LPP: variants seen among roughly 807,000 people sequenced by gnomAD.
LPP encodes LIM domain containing preferred translocation partner in lipoma.
LPP carries 38 observed loss-of-function variants against 60.4 expected under a neutral mutation model. The observed-to-expected ratio is 0.63, with a 90% CI of 0.49 to 0.83. The LOEUF is 0.83. LPP is among the 40% of genes least tolerant of loss of function. LPP has a pLI of 0.00. For missense variants in LPP, 902 were observed against 783.6 expected, an observed-to-expected ratio of 1.15 and a Z score of -1.80; for synonymous variants, 328 against 290.8, an observed-to-expected ratio of 1.13 and a Z score of -1.30.
intron 9 of LPP, among the ~76,000 whole-genome samples, chr3:188,782,094 G>A (rs1739985151): frequency 6.6e-6 from 1 of 152,144 alleles, no homozygotes; most frequent in Non-Finnish European, 1.5e-5. Context: ...AAAGCCCACA[G>A]TATATCCTGT....
chr3:188,322,278 C>T (rs1757168323), intron 2 of LPP, among the ~76,000 whole-genome samples: 1 of 152,128 alleles, frequency 6.6e-6, no homozygotes, highest in Admixed American at 6.5e-5. Flanking sequence ...TGAACCAGAG[C>T]CTCTGTGAAC....
At chr3:188,328,335 G>A (rs141217132) in intron 2 of LPP, among the ~76,000 whole-genome samples, 167 of 152,214 alleles carry the variant, frequency 1.1e-3, no homozygotes, top group African/African-American at 3.9e-3. Context: ...CACTTATTCA[G>A]TTCTTGCAAA....
At chr3:188,788,708 A>G (rs1288370576) in intron 9 of LPP, among the ~76,000 whole-genome samples, 2 of 152,178 alleles carry the variant, frequency 1.3e-5, no homozygotes, top group African/African-American at 2.4e-5. Context: ...AACCCTTTGT[A>G]TAAGCATCAA....
intron 7 of LPP, among the ~76,000 whole-genome samples, chr3:188,659,241 G>A (rs892017879): frequency 2.6e-5 from 4 of 152,164 alleles, no homozygotes; most frequent in African/African-American, 7.2e-5. Context: ...GTTGAATACA[G>A]GTGAATAGAA....
intron 1 of LPP, among the ~76,000 whole-genome samples, chr3:188,205,648 G>A (rs1050693681): frequency 6.6e-6 from 1 of 152,102 alleles, no homozygotes; most frequent in Admixed American, 6.6e-5. Context: ...CCCCATCTAC[G>A]CCATGTGTTG....
intron 3 of LPP, among the ~76,000 whole-genome samples, chr3:188,399,307 G>A (rs896055859): frequency 6.6e-6 from 1 of 151,994 alleles, no homozygotes; most frequent in Non-Finnish European, 1.5e-5. Context: ...TGGATGATTA[G>A]GAAAGCAGTT....
intron 3 of LPP, among the ~76,000 whole-genome samples, chr3:188,358,027 GAATCTGA>G (rs144695811): frequency 0.015 from 2,246 of 152,262 alleles, 50 homozygotes; most frequent in African/African-American, 0.05. Context: ...AAAATGACGT[GAATCTGA>G]AAAATTCTGA....
intron 1 of LPP, chr3:188,180,173 T>G: frequency 6.5e-6 from 1 of 154,184 alleles, no homozygotes; most frequent in Non-Finnish European, 1.5e-5. Flanking sequence ...ATTTAAGGTG[T>G]CTGGGAAGGC....
Position 188,803,575 on chromosome 3 carries a change from T to A in LPP, c.1410+43293T>A, listed in dbSNP as rs115624978. ...GCACCATTTGTTGTAATTTAATTAA[T>A]CTTATGCAGATTGTAAATCAGATGC... On this transcript the variant is annotated intron_variant, in intron 9 of 11. Coordinates refer to ENST00000617246, the MANE Select transcript of LPP (RefSeq NM_001375462.1). 8.6e-3 allele frequency among the ~76,000 whole-genome samples: 1,316 copies of A among 152,334 alleles called. 18 individuals carry two copies. Among genetic ancestry groups the A allele is most frequent in the African/African-American group, 0.03 (1,254 of 41,578 alleles).
At chr3:188,717,583 T>G (rs1027271245) in intron 8 of LPP, among the ~76,000 whole-genome samples, 11 of 151,860 alleles carry the variant, frequency 7.2e-5, no homozygotes, top group African/African-American at 2.7e-4. Flanking sequence ...GAAAAATGGG[T>G]TTTTTGGTTT....
intron 7 of LPP, among the ~76,000 whole-genome samples, chr3:188,677,478 C>T (rs1237653505): frequency 6.6e-6 from 1 of 152,126 alleles, no homozygotes. Context: ...TCTTACTCTA[C>T]TGTATATGGA....
intron 8 of LPP, among the ~76,000 whole-genome samples, chr3:188,747,725 CAT>C (rs1490048073): frequency 1.3e-5 from 2 of 152,204 alleles, no homozygotes; most frequent in African/African-American, 4.8e-5. Flanking sequence ...TGTGTGCACA[CAT>C]ATGTGTATTA....
intron 3 of LPP, among the ~76,000 whole-genome samples, chr3:188,378,182 A>T (rs1022582423): frequency 6.6e-6 from 1 of 152,162 alleles, no homozygotes; most frequent in African/African-American, 2.4e-5. Flanking sequence ...CAGTCTGCCC[A>T]TTCTCAGATC....
intron 7 of LPP, among the ~76,000 whole-genome samples, chr3:188,685,835 C>T (rs1860589457): frequency 6.6e-6 from 1 of 152,036 alleles, no homozygotes; most frequent in African/African-American, 2.4e-5. Context: ...ACAAGCTTCT[C>T]TACTACTTTT....
intron 6 of LPP, among the ~76,000 whole-genome samples, chr3:188,595,229 A>G (rs997534185): frequency 6.8e-5 from 10 of 147,026 alleles, no homozygotes; most frequent in African/African-American, 2.4e-4. Context: ...GAACCCAGGA[A>G]TTTCAGTACT....
At position 188,241,469 on chromosome 3, in the gene LPP, G is replaced by A. The variant is rs186793994; in HGVS notation, c.-67+15942G>A. Among the ~76,000 whole-genome samples, 6 of 152,212 alleles carry A rather than the reference G, an allele frequency of 3.9e-5. No homozygotes were observed. The South Asian group carries it at 1.2e-3, about 32-fold the overall frequency. ...TCTCCTTTCATCTTTCCCTTTGGGGGAGAAAAAGTCATCAGAGTTGTTTGA... is the reference window on the plus strand; with the variant it reads ...TCTCCTTTCATCTTTCCCTTTGGGGAAGAAAAAGTCATCAGAGTTGTTTGA... On this transcript the variant is annotated intron_variant, in intron 2 of 11. Transcript: ENST00000617246.
intron 9 of LPP, among the ~76,000 whole-genome samples, chr3:188,818,304 A>C (rs528351939): frequency 6.6e-6 from 1 of 152,122 alleles, no homozygotes; most frequent in South Asian, 2.1e-4. Context: ...ATCTGTCAGA[A>C]CTATTTAATA....
intron 2 of LPP, among the ~76,000 whole-genome samples, chr3:188,312,084 T>G (rs1340904236): frequency 1.3e-5 from 2 of 152,162 alleles, no homozygotes; most frequent in Admixed American, 6.5e-5. Context: ...CAGAGGAAAG[T>G]ATAAGTTCTT....
intron 1 of LPP, among the ~76,000 whole-genome samples, chr3:188,209,366 A>G (rs1237451709): frequency 6.6e-6 from 1 of 152,224 alleles, no homozygotes; most frequent in African/African-American, 2.4e-5. Flanking sequence ...TACTTACTAC[A>G]TGGGCCTTGA....
Sources: allele counts gnomAD v4.1 joint callset (sites outside exome capture counted in the v4.1 genomes callset), GRCh38; gene constraint gnomAD v4.1.1; transcripts MANE v1.5; gene names NCBI Gene and HGNC (gene_info 2026-07-23, HGNC 2026-07-21).